Variants in ELAPOR2 observed in about 807,000 individuals in gnomAD.
ELAPOR2 encodes the protein endosome-lysosome associated apoptosis and autophagy regulator family member 2, also known as endosome/lysosome-associated apoptosis and autophagy regulator family member 2.
In ELAPOR2, 89 loss-of-function variants were observed where a neutral mutation model predicts 120.7. The ratio of observed to expected loss-of-function variants is 0.74; its 90% CI spans 0.62 to 0.88. ELAPOR2 has a LOEUF of 0.88. Ranked by LOEUF, ELAPOR2 falls within the 40% of genes least tolerant of loss-of-function variation. ELAPOR2 has a pLI of 0.00. For missense variants in ELAPOR2, 1,134 were observed against 1,251.6 expected (o/e 0.91, Z 1.42); for synonymous variants, 444 against 444.9 (o/e 1.00, Z 0.03).
At chr7:86,883,161 T>G (rs937004981) in intron 21 of ELAPOR2, among the ~76,000 whole-genome samples, 17 of 152,050 alleles carry the variant, frequency 1.1e-4, no homozygotes, top group Admixed American at 1.1e-3. Flanking sequence ...TGTCTTACAA[T>G]GTCCCATAAA....
rs757071724 is a variant in ELAPOR2, at chr7:86,899,084, A to C, written c.2559-1452T>G. ...GATGATGGATGTGGATGGGGCTTAGACACAGGGATAGGATCACGAAGAACT... is the reference window on the plus strand; with the variant it reads ...GATGATGGATGTGGATGGGGCTTAGCCACAGGGATAGGATCACGAAGAACT... On this transcript the variant is annotated intron_variant, in intron 18 of 21. Coordinates refer to ENST00000450689, the MANE Select transcript of ELAPOR2 (RefSeq NM_001142749.3). Among the ~76,000 whole-genome samples, 8 of 152,142 alleles carry C rather than the reference A, an allele frequency of 5.3e-5. No individual in the cohort carries two copies. In the South Asian group the frequency reaches 1.2e-3, roughly 24 times the overall value.
At chr7:87,055,594 C>T (rs1315893352) in intron 1 of ELAPOR2, among the ~76,000 whole-genome samples, 1 of 152,102 alleles carries the variant, frequency 6.6e-6, no homozygotes, top group Non-Finnish European at 1.5e-5. Flanking sequence ...ACACTCACAT[C>T]TGACCCTTGT....
intron 1 of ELAPOR2, among the ~76,000 whole-genome samples, chr7:87,032,555 C>G (rs968619211): frequency 6.6e-6 from 1 of 152,146 alleles, no homozygotes; most frequent in Non-Finnish European, 1.5e-5. Context: ...AAGATGACAT[C>G]AGACTAACAA....
At chr7:86,923,680 A>G (rs924234000) in intron 10 of ELAPOR2, among the ~76,000 whole-genome samples, 1 of 152,048 alleles carries the variant, frequency 6.6e-6, no homozygotes, top group African/African-American at 2.4e-5. Flanking sequence ...AACTTTGCCA[A>G]ATTGTTTTCT....
At position 86,877,177 on chromosome 7, in the gene ELAPOR2, G is replaced by C. The variant is rs563768253; in HGVS notation, c.*3294C>G. The C allele has an allele frequency of 6.6e-6, 1 of 152,168 alleles. No individual in the cohort carries two copies. The highest frequency in any genetic ancestry group is 1.5e-5 in the Non-Finnish European group (1 of 67,992). The allele number at this position is 152,168 out of a possible 1,614,324, so 9.4% of individuals were successfully genotyped here. A position where few individuals can be genotyped will look rare whatever the true frequency, so the allele number is the denominator to read the frequency against. On this transcript the variant is annotated 3_prime_UTR_variant, in exon 22 of 22. Coordinates refer to ENST00000450689, the MANE Select transcript of ELAPOR2 (RefSeq NM_001142749.3). ...TTCAATTATTCATTCCCATCTTAAAGTTTTACTTCTTTCATTTATGATTCT... is the reference window on the plus strand; with the variant it reads ...TTCAATTATTCATTCCCATCTTAAACTTTTACTTCTTTCATTTATGATTCT...
intron 1 of ELAPOR2, among the ~76,000 whole-genome samples, chr7:87,031,197 T>A (rs766055422): frequency 3.3e-5 from 5 of 152,188 alleles, no homozygotes; most frequent in Non-Finnish European, 7.4e-5. Context: ...GCTGTCTGGT[T>A]CTAGAACTTT....
chr7:86,909,815 T>A lies in ELAPOR2; in HGVS notation c.2356A>T (p.Ile786Leu), dbSNP rs1408731116. 1 of 1,606,834 alleles carries A rather than the reference T, an allele frequency of 6.2e-7. No homozygotes were observed. Among genetic ancestry groups the A allele is most frequent in the Non-Finnish European group, 8.5e-7 (1 of 1,176,660 alleles). The part of the protein sequence containing the change: ...SQSIILADTF[I>L]GVTVETTLKN... Reference sequence around the variant, plus strand: ...ATATGAACCAAAGGAAGCTTACCTATGAATGTATCTGCCAGAATGATGGAT... The same window carrying A: ...ATATGAACCAAAGGAAGCTTACCTAAGAATGTATCTGCCAGAATGATGGAT... The change falls in exon 16 of 22, where the codon ATA (isoleucine) becomes TTA (leucine). Residue 786 changes from isoleucine (I) to leucine (L), a missense_variant. Physicochemically the swap from Ile to Leu is conservative, Grantham distance 5. This residue lies in a region of ELAPOR2 where 831 missense variants were observed against 867.6 expected (regional missense o/e 0.96). Coordinates refer to ENST00000450689, the MANE Select transcript of ELAPOR2 (RefSeq NM_001142749.3).
intron 8 of ELAPOR2, among the ~76,000 whole-genome samples, chr7:86,937,741 A>G (rs1790627073): frequency 6.6e-6 from 1 of 152,076 alleles, no homozygotes; most frequent in Admixed American, 6.6e-5. Flanking sequence ...GCTCTCTCTC[A>G]TGTTATTACT....
At chr7:86,959,706 C>T (rs1584396996) in intron 2 of ELAPOR2, among the ~76,000 whole-genome samples, 1 of 152,116 alleles carries the variant, frequency 6.6e-6, no homozygotes, top group Non-Finnish European at 1.5e-5. Flanking sequence ...TTTTAATGTG[C>T]TATTAAATTC....
intron 1 of ELAPOR2, chr7:86,965,903 A>C: frequency 1.0e-6 from 1 of 985,352 alleles, no homozygotes; most frequent in South Asian, 4.7e-5. Context: ...TGAGAATAGA[A>C]ACATCAAGCC....
chr7:86,904,286 A>G (rs1191884383), intron 18 of ELAPOR2, among the ~76,000 whole-genome samples: 4 of 152,178 alleles, frequency 2.6e-5, no homozygotes, highest in Admixed American at 2.6e-4. Flanking sequence ...TTTGGACACA[A>G]TGCTTAGGTC....
At chr7:87,049,269 G>T (rs1795036144) in intron 1 of ELAPOR2, among the ~76,000 whole-genome samples, 1 of 138,414 alleles carries the variant, frequency 7.2e-6, no homozygotes, top group Admixed American at 7.7e-5. Flanking sequence ...GGAAGGGATT[G>T]AAATTTTATT....
At chr7:87,054,784 GAA>G (rs1447980751) in intron 1 of ELAPOR2, among the ~76,000 whole-genome samples, 7 of 152,084 alleles carry the variant, frequency 4.6e-5, no homozygotes, top group Non-Finnish European at 8.8e-5. Context: ...CATCCCATAG[GAA>G]ACACTCTGGT....
At chr7:86,909,418 C>T (rs1789188792) in intron 16 of ELAPOR2, among the ~76,000 whole-genome samples, 2 of 152,062 alleles carry the variant, frequency 1.3e-5, no homozygotes, top group South Asian at 4.1e-4. Context: ...TGTTTGTCAC[C>T]TGCTTCCTTT....
intron 1 of ELAPOR2, among the ~76,000 whole-genome samples, chr7:87,008,196 T>A (rs575346331): frequency 6.6e-6 from 1 of 152,348 alleles, no homozygotes; most frequent in African/African-American, 2.4e-5. Context: ...GTGTTATTTG[T>A]GTCAAAAACA....
intron 1 of ELAPOR2, among the ~76,000 whole-genome samples, chr7:86,991,060 T>A (rs1421597230): frequency 6.6e-6 from 1 of 152,202 alleles, no homozygotes; most frequent in Non-Finnish European, 1.5e-5. Flanking sequence ...TATTAATCTA[T>A]CATTGTATAT....
intron 2 of ELAPOR2, among the ~76,000 whole-genome samples, chr7:86,948,455 A>T (rs918609630): frequency 6.6e-6 from 1 of 152,320 alleles, no homozygotes; most frequent in African/African-American, 2.4e-5. Flanking sequence ...AAGGATCATT[A>T]TTTTTGGATT....
intron 1 of ELAPOR2, among the ~76,000 whole-genome samples, chr7:86,975,603 C>T (rs546017676): frequency 1.3e-5 from 2 of 152,272 alleles, no homozygotes; most frequent in African/African-American, 4.8e-5. Context: ...CAGCATGCCC[C>T]CTGCTCTCAT....
At chr7:87,025,675 C>T (rs1338748574) in intron 1 of ELAPOR2, among the ~76,000 whole-genome samples, 5 of 152,046 alleles carry the variant, frequency 3.3e-5, no homozygotes, top group Non-Finnish European at 7.4e-5. Flanking sequence ...TTAGATTATG[C>T]TTTTCAAGCT....
Sources: allele counts gnomAD v4.1 joint callset (sites outside exome capture counted in the v4.1 genomes callset), GRCh38; gene constraint gnomAD v4.1.1; regional missense constraint gnomAD v4.1.1; transcripts MANE v1.5; gene names NCBI Gene and HGNC (gene_info 2026-07-23, HGNC 2026-07-21).